The following ESCO1 variants were observed in gnomAD, a reference collection of about 807,000 sequenced individuals.
The protein encoded by ESCO1 is establishment of sister chromatid cohesion N-acetyltransferase 1, also known as N-acetyltransferase ESCO1.
A neutral mutation model predicts 83.5 loss-of-function variants in ESCO1; 33 were observed. The observed-to-expected ratio is 0.40, with a 90% CI of 0.30 to 0.53. ESCO1 has a LOEUF of 0.53. Among genes scored for constraint, ESCO1 ranks in the 20% least tolerant of loss-of-function variants. The pLI, the probability that ESCO1 is intolerant of heterozygous loss-of-function variation, is 0.63. For synonymous variants in ESCO1, 332 were observed against 324.3 expected (o/e 1.02, Z -0.25); for missense variants, 855 against 968.0 (o/e 0.88, Z 1.55).
At chr18:21,593,470 A>G (rs1368569256) in intron 1 of ESCO1, 2 of 152,746 alleles carry the variant, frequency 1.3e-5, no homozygotes, top group Non-Finnish European at 2.9e-5. Context: ...CGCGCCTGCA[A>G]TCGCAGGCAC....
chr18:21,565,789 T>C (rs2063000), intron 6 of ESCO1, among the ~76,000 whole-genome samples: 2 of 151,808 alleles, frequency 1.3e-5, no homozygotes, highest in South Asian at 4.2e-4. Flanking sequence ...GAATTTTTTT[T>C]AATTATCCAG....
chr18:21,548,296 C>G (rs918610229), intron 8 of ESCO1, among the ~76,000 whole-genome samples: 16 of 147,904 alleles, frequency 1.1e-4, no homozygotes, highest in Non-Finnish European at 2.0e-4. Context: ...AGTTTGAGAC[C>G]AGCCTGGGCT....
chr18:21,566,365 T>C (rs1410779892), intron 5 of ESCO1, among the ~76,000 whole-genome samples, 159 bp from the exon 6 acceptor site: 2 of 152,202 alleles, frequency 1.3e-5, no homozygotes, highest in East Asian at 1.9e-4. Flanking sequence ...TCTTCCTAGA[T>C]ACCATTCTTC....
intron 6 of ESCO1, among the ~76,000 whole-genome samples, chr18:21,565,468 A>G (rs894832267): frequency 1.3e-5 from 2 of 152,240 alleles, no homozygotes; most frequent in African/African-American, 2.4e-5. Context: ...ACAATGCGGG[A>G]TAAGTTCTAT....
rs1477733547 is a variant in ESCO1, at chr18:21,530,155, C to G, written c.*188G>C. ...ATTTCTGTAAAAGATAATAAAATAT[C>G]TTCTTTAAAAAACAAAACAATAAGC... On this transcript the variant is annotated 3_prime_UTR_variant, in exon 12 of 12. Transcript: ENST00000269214. The G allele has an allele frequency of 4.8e-6, 2 of 414,416 alleles. No individual in the cohort carries two copies. The highest frequency in any genetic ancestry group is 7.3e-5 in the East Asian group (2 of 27,504). 25.7% of individuals were successfully genotyped at this position (414,416 alleles called of 1,614,324 possible).
At chr18:21,552,737 G>A (rs2038061421) in intron 8 of ESCO1, among the ~76,000 whole-genome samples, 1 of 152,158 alleles carries the variant, frequency 6.6e-6, no homozygotes. Context: ...CAATATAATG[G>A]AGAAAAGACA....
At chr18:21,570,076 T>C (rs957118839) in intron 4 of ESCO1, among the ~76,000 whole-genome samples, 3 of 152,234 alleles carry the variant, frequency 2.0e-5, no homozygotes, top group East Asian at 1.9e-4. Context: ...TGAAAAATAA[T>C]TGGAAACAAT....
In ESCO1 at chr18:21,574,197, C is replaced by T; in HGVS notation, c.647G>A (p.Cys216Tyr). The change falls in exon 4 of 12, where the codon TGT becomes TAT. Residue 216 changes from cysteine to tyrosine, a missense_variant. This residue lies in a region of ESCO1 where 726 missense variants were observed against 699.5 expected (regional missense o/e 1.04). Transcript: ENST00000269214. Reference protein sequence around the residue: ...RKVEHQTACACSSQCTQGSEK... With the variant: ...RKVEHQTACAYSSQCTQGSEK... ...AGATCCTTGCGTGCATTGAGAACTA[C>T]AAGCACAAGCTGTCTGATGTTCTAC... The T allele has an allele frequency of 6.2e-7, 1 of 1,613,860 alleles. No individual in the cohort carries two copies. Among genetic ancestry groups the T allele is most frequent in the Non-Finnish European group, 8.5e-7 (1 of 1,179,994 alleles).
intron 8 of ESCO1, among the ~76,000 whole-genome samples, chr18:21,544,133 G>A (rs575209300): frequency 2.4e-4 from 36 of 152,104 alleles, no homozygotes; most frequent in African/African-American, 8.7e-4. Context: ...AATTAGCTGG[G>A]TGTGGTGGTG....
intron 7 of ESCO1, among the ~76,000 whole-genome samples, chr18:21,563,308 TA>T (rs1598464861): frequency 6.6e-6 from 1 of 152,306 alleles, no homozygotes; most frequent in East Asian, 1.9e-4. Flanking sequence ...CAATTACTGT[TA>T]CAAGACAAAG....
In ESCO1 at chr18:21,574,874, T is replaced by G; in HGVS notation, c.-31A>C. The G allele has an allele frequency of 6.6e-7, 1 of 1,523,458 alleles. No individual in the cohort carries two copies. Among genetic ancestry groups the G allele is most frequent in the Non-Finnish European group, 8.7e-7 (1 of 1,146,816 alleles). 94.4% of individuals were successfully genotyped at this position (1,523,458 alleles called of 1,614,324 possible). A position where few individuals can be genotyped will look rare whatever the true frequency, so the allele number is the denominator to read the frequency against. ...AGTAATGACTTTCTTTTCTGAGTAG[T>G]TTTGAAGAGGATTTTTGTGTCCTGG... On this transcript the variant is annotated 5_prime_UTR_variant, in exon 4 of 12. Transcript: ENST00000269214.
intron 8 of ESCO1, among the ~76,000 whole-genome samples, chr18:21,545,524 G>C (rs1301699995): frequency 6.9e-6 from 1 of 144,056 alleles, no homozygotes; most frequent in Non-Finnish European, 1.5e-5. Flanking sequence ...AGCGAGCCGA[G>C]ATCACACCAT....
chr18:21,599,685 G>C (rs1456396366), intron 1 of ESCO1, among the ~76,000 whole-genome samples: 1 of 151,988 alleles, frequency 6.6e-6, no homozygotes, highest in African/African-American at 2.4e-5. Context: ...TTCTCAAATC[G>C]CAAAGCTTGA....
chr18:21,599,636 C>T (rs2038813363), intron 1 of ESCO1, among the ~76,000 whole-genome samples: 1 of 152,130 alleles, frequency 6.6e-6, no homozygotes, highest in Non-Finnish European at 1.5e-5. Context: ...AAAGGAATCT[C>T]ATTGCAGCTA....
chr18:21,580,778 T>A (rs939002183), intron 2 of ESCO1, among the ~76,000 whole-genome samples: 3 of 150,006 alleles, frequency 2.0e-5, no homozygotes, highest in African/African-American at 7.4e-5. Flanking sequence ...TCTCCTGAGG[T>A]CAGGAGTTCG....
chr18:21,553,632 C>T lies in ESCO1; in HGVS notation c.1953+7227G>A, dbSNP rs960227095. Among the ~76,000 whole-genome samples the T allele has an allele frequency of 1.6e-4, 24 of 151,738 alleles. No individual in the cohort carries two copies. The South Asian group carries it at 2.7e-3, about 17-fold the overall frequency. On this transcript the variant is annotated intron_variant, in intron 8 of 11. Coordinates refer to ENST00000269214, the MANE Select transcript of ESCO1 (RefSeq NM_052911.3). ...CAGCACTTTGGAAGGCTGAGGCGGG[C>T]GGATCACCTGAGGTCGGGAGTTCGA...
intron 6 of ESCO1, among the ~76,000 whole-genome samples, chr18:21,564,859 C>T (rs2038238179): frequency 1.3e-5 from 2 of 151,334 alleles, no homozygotes; most frequent in African/African-American, 2.4e-5. Flanking sequence ...CAGGAGATCG[C>T]GACCAGCCTG....
At chr18:21,595,759 C>T (rs991113638) in intron 1 of ESCO1, among the ~76,000 whole-genome samples, 9 of 149,644 alleles carry the variant, frequency 6.0e-5, no homozygotes, top group African/African-American at 1.5e-4. Context: ...GTCAGGAGAT[C>T]GAGACCATCC....
In ESCO1 at chr18:21,530,095, T is replaced by C. The variant is rs2037747306; in HGVS notation, c.*248A>G. The C allele has an allele frequency of 3.1e-6, 1 of 326,852 alleles. No individual in the cohort carries two copies. The highest frequency in any genetic ancestry group is 2.1e-5 in the African/African-American group (1 of 46,936). 20.2% of individuals were successfully genotyped at this position (326,852 alleles called of 1,614,324 possible). ...CAATTATCTGCTGCATGTAAACATG[T>C]CTAAATAACTATAGATAAAATACAT... is the stretch of plus-strand genomic sequence containing the variant. On this transcript the variant is annotated 3_prime_UTR_variant, in exon 12 of 12. Coordinates refer to ENST00000269214, the MANE Select transcript of ESCO1 (RefSeq NM_052911.3).
Sources: gnomAD v4.1 joint callset for allele counts (sites outside exome capture counted in the v4.1 genomes callset) on GRCh38, gnomAD v4.1.1 for gene constraint, gnomAD v4.1.1 regional missense constraint, MANE v1.5 for transcripts, NCBI Gene and HGNC (gene_info 2026-07-23, HGNC 2026-07-21) for gene names.